ARHGAP44: variants seen among roughly 807,000 people sequenced by gnomAD.
ARHGAP44 encodes rho GTPase-activating protein 44.
In ARHGAP44, 43 loss-of-function variants were observed where a neutral mutation model predicts 106.8. That is an observed-to-expected ratio of 0.40 (90% confidence interval 0.32 to 0.52). The LOEUF (loss-of-function observed/expected upper bound fraction) is 0.52. Among genes scored for constraint, ARHGAP44 ranks in the 20% least tolerant of loss-of-function variants. ARHGAP44 has a pLI of 0.48. For synonymous variants in ARHGAP44, 439 were observed against 410.3 expected, an observed-to-expected ratio of 1.07 and a Z score of -0.85; for missense variants, 866 against 1,050.5, an observed-to-expected ratio of 0.82 and a Z score of 2.43.
intron 5 of ARHGAP44, among the ~76,000 whole-genome samples, chr17:12,918,408 C>T (rs532522861): frequency 4.6e-4 from 70 of 152,246 alleles, no homozygotes; most frequent in Non-Finnish European, 6.9e-4. Context: ...GTTCAATTTT[C>T]GGCCAATTTT....
intron 1 of ARHGAP44, among the ~76,000 whole-genome samples, chr17:12,891,898 C>A (rs939382254): frequency 6.6e-6 from 1 of 151,580 alleles, no homozygotes; most frequent in Non-Finnish European, 1.5e-5. Context: ...CAGGTTCAAG[C>A]GATTCTCCTG....
At chr17:12,854,641 A>G (rs1170553697) in intron 1 of ARHGAP44, among the ~76,000 whole-genome samples, 2 of 152,162 alleles carry the variant, frequency 1.3e-5, no homozygotes, top group Non-Finnish European at 2.9e-5. Flanking sequence ...AGTGCAGAGG[A>G]TATGAACCCG....
chr17:12,914,818 C>CA (rs1009140172), intron 4 of ARHGAP44, among the ~76,000 whole-genome samples: 165 of 142,068 alleles, frequency 1.2e-3, no homozygotes, highest in Non-Finnish European at 1.5e-3. Flanking sequence ...AAAAAAACCT[C>CA]AAAAAAAAAA....
chr17:12,814,237 T>G (rs1475973524), intron 1 of ARHGAP44, among the ~76,000 whole-genome samples: 3 of 118,738 alleles, frequency 2.5e-5, no homozygotes, highest in Admixed American at 8.9e-5. Flanking sequence ...AAACTGGTGT[T>G]TTTTTTTTTT....
chr17:12,802,723 G>T (rs1306435098), intron 1 of ARHGAP44, among the ~76,000 whole-genome samples: 1 of 148,144 alleles, frequency 6.8e-6, no homozygotes, highest in African/African-American at 2.5e-5. Flanking sequence ...GTGTTTCCTG[G>T]CATTCAAAGT....
At chr17:12,969,433 A>T (rs1390889899) in intron 16 of ARHGAP44, among the ~76,000 whole-genome samples, 1 of 152,204 alleles carries the variant, frequency 6.6e-6, no homozygotes, top group African/African-American at 2.4e-5. Flanking sequence ...CTTACAACAA[A>T]TCGAAGGAAG....
chr17:12,873,281 G>A (rs2036454344), intron 1 of ARHGAP44, among the ~76,000 whole-genome samples: 1 of 152,266 alleles, frequency 6.6e-6, no homozygotes, highest in Middle Eastern at 3.4e-3. Context: ...CTTTTCCCAT[G>A]TCTCTATGTG....
intron 20 of ARHGAP44, chr17:12,985,692 AT>A (rs2039940492): frequency 6.6e-6 from 1 of 152,202 alleles, no homozygotes; most frequent in South Asian, 2.1e-4. Flanking sequence ...TCAGGGGCCT[AT>A]TTGTGGTGGC....
chr17:12,818,670 G>A (rs1236029059), intron 1 of ARHGAP44, among the ~76,000 whole-genome samples: 1 of 152,016 alleles, frequency 6.6e-6, no homozygotes, highest in Non-Finnish European at 1.5e-5. Flanking sequence ...TTATATTTCT[G>A]TATACCTGCA....
chr17:12,864,301 T>C (rs2036172901), intron 1 of ARHGAP44, among the ~76,000 whole-genome samples: 1 of 152,198 alleles, frequency 6.6e-6, no homozygotes, highest in Non-Finnish European at 1.5e-5. Context: ...TTTCTTGTCT[T>C]CTTTGGCAAC....
intron 7 of ARHGAP44, among the ~76,000 whole-genome samples, chr17:12,931,845 C>CACAAACACACACAT: frequency 2.9e-5 from 1 of 34,640 alleles, no homozygotes; most frequent in South Asian, 1.0e-3. Context: ...TAGGGATACA[C>CACAAACACACACAT]ACACACACAC....
Position 12,914,814 on chromosome 17 carries a change from A to AC in ARHGAP44, c.276-1084dup, listed in dbSNP as rs71144935. 3.5e-3 allele frequency among the ~76,000 whole-genome samples: 530 copies of AC among 149,492 alleles called. 1 individual carries two copies. Among genetic ancestry groups the AC allele is most frequent in the Non-Finnish European group, 6.2e-3 (416 of 67,116 alleles). On this transcript the variant is annotated intron_variant, in intron 4 of 20. Transcript: ENST00000379672. ...TCCATCTCAAGAAAAAAAAAAAAAA[A>AC]CCTCAAAAAAAAAATCCAAACAAAA...
At chr17:12,923,157 C>T (rs1233243204) in intron 6 of ARHGAP44, among the ~76,000 whole-genome samples, 1 of 152,144 alleles carries the variant, frequency 6.6e-6, no homozygotes, top group Non-Finnish European at 1.5e-5. Context: ...TTTTTCATAG[C>T]CCACTTTGTG....
intron 16 of ARHGAP44, among the ~76,000 whole-genome samples, chr17:12,961,781 G>A (rs1443559858): frequency 6.6e-6 from 1 of 152,156 alleles, no homozygotes; most frequent in Non-Finnish European, 1.5e-5. Flanking sequence ...GTTTAGGGTG[G>A]CTCTCCCTGA....
intron 18 of ARHGAP44, among the ~76,000 whole-genome samples, chr17:12,979,140 A>C (rs1447559701): frequency 2.0e-5 from 3 of 152,186 alleles, no homozygotes; most frequent in African/African-American, 7.2e-5. Flanking sequence ...CCCCTGATTC[A>C]CTAAAGGCCA....
intron 1 of ARHGAP44, among the ~76,000 whole-genome samples, chr17:12,795,501 T>C (rs2033891429): frequency 6.6e-6 from 1 of 151,792 alleles, no homozygotes; most frequent in Admixed American, 6.6e-5. Context: ...TCCCAGTTTG[T>C]CTCCATCAAA....
chr17:12,846,464 A>G (rs1358103614), intron 1 of ARHGAP44, among the ~76,000 whole-genome samples: 1 of 152,242 alleles, frequency 6.6e-6, no homozygotes. Flanking sequence ...TTCTGTACAT[A>G]AATACATTTA....
chr17:12,923,413 G>A (rs764765097), intron 6 of ARHGAP44, among the ~76,000 whole-genome samples: 1 of 151,988 alleles, frequency 6.6e-6, no homozygotes, highest in East Asian at 1.9e-4. Context: ...ACGGGGTTTC[G>A]CCATGTTGGC....
At chr17:12,962,935 C>T (rs1300072755) in intron 16 of ARHGAP44, among the ~76,000 whole-genome samples, 1 of 148,614 alleles carries the variant, frequency 6.7e-6, no homozygotes, top group African/African-American at 2.5e-5. Flanking sequence ...ATCCCAGCTA[C>T]TTGGGAGGCT....
Sources: allele counts gnomAD v4.1 joint callset (sites outside exome capture counted in the v4.1 genomes callset), GRCh38; gene constraint gnomAD v4.1.1; transcripts MANE v1.5; gene names NCBI Gene and HGNC (gene_info 2026-07-23, HGNC 2026-07-21).